Variants in KSR1 observed in about 807,000 individuals in gnomAD.
KSR1 encodes kinase suppressor of ras.
Under a neutral mutation model 92.9 loss-of-function variants are expected in KSR1, and 35 were observed. That is an observed-to-expected ratio of 0.38 (90% confidence interval 0.29 to 0.50). The LOEUF (loss-of-function observed/expected upper bound fraction) is 0.50, where lower values mean the gene tolerates loss of function less well. Ranked by LOEUF, KSR1 falls within the 20% of genes least tolerant of loss-of-function variation. KSR1 has a pLI of 0.94. For synonymous variants in KSR1, 467 were observed against 472.6 expected (o/e 0.99, Z 0.15); for missense variants, 972 against 1,158.5 (o/e 0.84, Z 2.34).
intron 1 of KSR1, among the ~76,000 whole-genome samples, chr17:27,526,037 CTTT>C (rs58774715): frequency 2.0e-3 from 195 of 95,400 alleles, no homozygotes; most frequent in Admixed American, 5.1e-3. Flanking sequence ...CTTTTCTTTT[CTTT>C]TCTTTCTCTC....
intron 1 of KSR1, among the ~76,000 whole-genome samples, chr17:27,480,072 T>C (rs966504684): frequency 6.6e-6 from 1 of 152,198 alleles, no homozygotes; most frequent in Non-Finnish European, 1.5e-5. Flanking sequence ...GCAGAGACCA[T>C]TGACTCTCAT....
chr17:27,493,344 C>T (rs1292051925), intron 1 of KSR1, among the ~76,000 whole-genome samples: 1 of 152,236 alleles, frequency 6.6e-6, no homozygotes, highest in South Asian at 2.1e-4. Flanking sequence ...TTTGGAGGAC[C>T]AGGAAGGGCT....
chr17:27,482,229 A>G (rs547185777), intron 1 of KSR1, among the ~76,000 whole-genome samples: 6 of 152,238 alleles, frequency 3.9e-5, no homozygotes, highest in African/African-American at 1.4e-4. Flanking sequence ...GTTCAAGACC[A>G]GTCTGGACAA....
At chr17:27,535,345 A>G (rs1351964953) in intron 1 of KSR1, among the ~76,000 whole-genome samples, 1 of 152,224 alleles carries the variant, frequency 6.6e-6, no homozygotes, top group Non-Finnish European at 1.5e-5. Context: ...CATAAGATAC[A>G]CAATCATCAC....
intron 2 of KSR1, among the ~76,000 whole-genome samples, chr17:27,572,862 T>C (rs568182885): frequency 5.9e-5 from 9 of 152,294 alleles, no homozygotes; most frequent in African/African-American, 1.7e-4. Context: ...CTGGGAGATA[T>C]CAGGGCCCCT....
intron 2 of KSR1, among the ~76,000 whole-genome samples, chr17:27,561,762 TG>T (rs2071838401): frequency 6.6e-6 from 1 of 152,228 alleles, no homozygotes; most frequent in Non-Finnish European, 1.5e-5. Flanking sequence ...CTTTTCAGGG[TG>T]GGGGTTCCCC....
At chr17:27,474,607 C>G (rs2068282979) in intron 1 of KSR1, among the ~76,000 whole-genome samples, 1 of 152,148 alleles carries the variant, frequency 6.6e-6, no homozygotes, top group Non-Finnish European at 1.5e-5. Context: ...CATGGAAAAG[C>G]ACAATGCCTT....
chr17:27,585,565 C>G (rs912136267), intron 4 of KSR1, 92 bp from the exon 5 acceptor site: 1 of 720,378 alleles, frequency 1.4e-6, no homozygotes, highest in Non-Finnish European at 2.6e-6. Flanking sequence ...CGTCCCAGCC[C>G]CTTGCCTGCT....
intron 19 of KSR1, among the ~76,000 whole-genome samples, chr17:27,618,914 G>T (rs576121916): frequency 1.4e-4 from 21 of 152,264 alleles, no homozygotes; most frequent in African/African-American, 4.8e-4. Context: ...CAGGCTGGTT[G>T]CAAACTCCTG....
At chr17:27,540,667 A>C (rs8075695) in intron 1 of KSR1, among the ~76,000 whole-genome samples, 1 of 152,074 alleles carries the variant, frequency 6.6e-6, no homozygotes, top group Non-Finnish European at 1.5e-5. Flanking sequence ...TCCTTGCCCC[A>C]CTTTCCCTGT....
At chr17:27,561,328 T>C (rs1458008929) in intron 2 of KSR1, among the ~76,000 whole-genome samples, 3 of 152,226 alleles carry the variant, frequency 2.0e-5, no homozygotes, top group Non-Finnish European at 2.9e-5. Context: ...CACGTGTGTC[T>C]CTCTCTTCCC....
Position 27,623,830 on chromosome 17 carries a change from C to G in KSR1, c.*438C>G, listed in dbSNP as rs889795581. On this transcript the variant is annotated 3_prime_UTR_variant, in exon 21 of 21. Coordinates refer to ENST00000644974, the MANE Select transcript of KSR1 (RefSeq NM_001394583.1). ...GCTGTTCTTGGGGTAGGGCGGGGAGCCCAGAAGGTCTGATCTGGCCTCTGC... is the reference window on the plus strand; with the variant it reads ...GCTGTTCTTGGGGTAGGGCGGGGAGGCCAGAAGGTCTGATCTGGCCTCTGC... The G allele has an allele frequency of 3.8e-6, 2 of 524,330 alleles. No homozygotes were observed. The highest frequency in any genetic ancestry group is 6.6e-6 in the Non-Finnish European group (2 of 304,020). 32.5% of individuals were successfully genotyped at this position (524,330 alleles called of 1,614,324 possible).
intron 9 of KSR1, among the ~76,000 whole-genome samples, chr17:27,594,972 G>T (rs777166565): frequency 2.6e-5 from 4 of 152,184 alleles, no homozygotes; most frequent in East Asian, 1.9e-4. Context: ...CTGATGGAGG[G>T]TCCTGAGCCT....
chr17:27,481,492 A>C (rs1240816009), intron 1 of KSR1, among the ~76,000 whole-genome samples: 1 of 152,246 alleles, frequency 6.6e-6, no homozygotes, highest in African/African-American at 2.4e-5. Flanking sequence ...CACCTTGTAC[A>C]TAAGATACAC....
At chr17:27,598,854 C>T (rs2073441314) in intron 10 of KSR1, among the ~76,000 whole-genome samples, 1 of 152,176 alleles carries the variant, frequency 6.6e-6, no homozygotes, top group African/African-American at 2.4e-5. Context: ...ATGGGTCAAC[C>T]CTCCCCCCAA....
intron 1 of KSR1, among the ~76,000 whole-genome samples, chr17:27,480,349 C>G (rs1387565789): frequency 6.6e-6 from 1 of 152,186 alleles, no homozygotes; most frequent in African/African-American, 2.4e-5. Flanking sequence ...GAAAGCTCCA[C>G]AGGGTAAGGA....
rs2071728704 is a variant in KSR1, at chr17:27,559,291, T to C, written c.372+8583T>C. 6.6e-6 allele frequency among the ~76,000 whole-genome samples: 1 copy of C among 152,210 alleles called. No homozygotes were observed. ...TGCGGCTCCGAGCCTGCTGCGGCGCTGCATGCCTGACCTTTGGTTCCTCGT... is the reference window on the plus strand; with the variant it reads ...TGCGGCTCCGAGCCTGCTGCGGCGCCGCATGCCTGACCTTTGGTTCCTCGT... On this transcript the variant is annotated intron_variant, in intron 2 of 20. Coordinates refer to ENST00000644974, the MANE Select transcript of KSR1 (RefSeq NM_001394583.1). The surrounding 1 kb of genome is among the most constrained non-coding windows in gnomAD (Gnocchi z 4.2).
Position 27,624,610 on chromosome 17 carries a change from TAGAAAC to T in KSR1, c.*1219_*1224del, listed in dbSNP as rs1347266444. On this transcript the variant is annotated 3_prime_UTR_variant, in exon 21 of 21. Coordinates refer to ENST00000644974, the MANE Select transcript of KSR1 (RefSeq NM_001394583.1). The stretch of plus-strand genomic sequence containing the variant: ...GTGAGAGCACCACGCTTGTCTTCGT[TAGAAAC>T]TCTTAACTGCAGAAAAAAGTTCCAG... 3.9e-5 allele frequency: 6 copies of T among 152,212 alleles called. No individual in the cohort carries two copies. Among genetic ancestry groups the T allele is most frequent in the African/African-American group, 1.4e-4 (6 of 41,436 alleles). The allele number at this position is 152,212 out of a possible 1,614,324, so 9.4% of individuals were successfully genotyped here.
In KSR1 at chr17:27,603,721, A is replaced by G. The variant is rs2073647078; in HGVS notation, c.1511-113A>G. On this transcript the variant is annotated intron_variant, in intron 11 of 20. Transcript: ENST00000644974. ...TGGGAGTGTCTGGGGAACATGTGGC[A>G]GTCCACTCAGGGGAAAATCAGCCTC... The G allele has an allele frequency of 3.9e-6, 4 of 1,026,940 alleles. No individual in the cohort carries two copies. In the South Asian group the frequency reaches 5.4e-5, roughly 14 times the overall value. 63.6% of individuals were successfully genotyped at this position (1,026,940 alleles called of 1,614,324 possible).
Sources: gnomAD v4.1 joint callset for allele counts (sites outside exome capture counted in the v4.1 genomes callset) on GRCh38, gnomAD v4.1.1 for gene constraint, Gnocchi (gnomAD v3.1) non-coding constraint, MANE v1.5 for transcripts, NCBI Gene and HGNC (gene_info 2026-07-23, HGNC 2026-07-21) for gene names.